Variants in RNF144B observed in about 807,000 individuals in gnomAD.
The protein encoded by RNF144B is E3 ubiquitin-protein ligase RNF144B.
RNF144B carries 25 observed loss-of-function variants against 40.2 expected under a neutral mutation model. That is an observed-to-expected ratio of 0.62 (90% CI 0.45 to 0.87). The LOEUF is 0.87. Among genes scored for constraint, RNF144B ranks in the 40% least tolerant of loss-of-function variants. The pLI is 0.00. For missense variants in RNF144B, 365 were observed against 373.7 expected (o/e 0.98, Z 0.19); for synonymous variants, 145 against 136.3 (o/e 1.06, Z -0.44).
At chr6:18,445,578 C>A (rs1759063670) in intron 4 of RNF144B, among the ~76,000 whole-genome samples, 1 of 152,108 alleles carries the variant, frequency 6.6e-6, no homozygotes. Context: ...CAGTTTAAGT[C>A]TTTGAATTTG....
chr6:18,435,447 A>C (rs1353954619), intron 3 of RNF144B, among the ~76,000 whole-genome samples: 3 of 152,334 alleles, frequency 2.0e-5, no homozygotes, highest in Admixed American at 6.5e-5. Context: ...TTACAGTGGA[A>C]TTTTAATCAC....
rs111969494 is a variant in RNF144B, at chr6:18,407,988, T to C, written c.165+8289T>C. On this transcript the variant is annotated intron_variant, in intron 2 of 7. Transcript: ENST00000259939. Reference sequence around the variant, plus strand: ...TCTTTTTCTTTCTTTCTTTTTCTTTTTTTTTTTTTTTTTCCAGACAGAATC... The same window carrying C: ...TCTTTTTCTTTCTTTCTTTTTCTTTCTTTTTTTTTTTTTCCAGACAGAATC... Among the ~76,000 whole-genome samples, 152 of 148,960 alleles carry C rather than the reference T, an allele frequency of 1.0e-3. 1 individual carries two copies. Among genetic ancestry groups the C allele is most frequent in the African/African-American group, 3.6e-3 (148 of 40,936 alleles).
intron 3 of RNF144B, among the ~76,000 whole-genome samples, chr6:18,429,191 T>C (rs540669623): frequency 1.6e-4 from 25 of 152,032 alleles, no homozygotes; most frequent in African/African-American, 5.5e-4. Context: ...GAGTGAGATT[T>C]CATCTCTTAA....
At chr6:18,397,755 C>T (rs1223004038) in intron 1 of RNF144B, among the ~76,000 whole-genome samples, 2 of 151,960 alleles carry the variant, frequency 1.3e-5, no homozygotes, top group African/African-American at 2.4e-5. Context: ...TTCTCTGCTT[C>T]GTCTGTCCAT....
rs1446609078 is a variant in RNF144B at position 18,466,942 on chromosome 6, T to C, written c.*1875T>C. On this transcript the variant is annotated 3_prime_UTR_variant, in exon 8 of 8. Coordinates refer to ENST00000259939, the MANE Select transcript of RNF144B (RefSeq NM_182757.4). Reference sequence around the variant, plus strand: ...GGCAACCAACCAAAATCATTTTTAATCATTTATTAGAAATTTCTCAATATT... The same window carrying C: ...GGCAACCAACCAAAATCATTTTTAACCATTTATTAGAAATTTCTCAATATT... The C allele has an allele frequency of 4.6e-5, 7 of 152,642 alleles. No homozygotes were observed. The highest frequency in any genetic ancestry group is 4.6e-4 in the Admixed American group (7 of 15,282). The allele number at this position is 152,642 out of a possible 1,614,324, so 9.5% of individuals were successfully genotyped here.
At chr6:18,429,897 C>T (rs1010170162) in intron 3 of RNF144B, among the ~76,000 whole-genome samples, 14 of 152,120 alleles carry the variant, frequency 9.2e-5, no homozygotes, top group African/African-American at 3.4e-4. Flanking sequence ...TAGTGCTCTT[C>T]TTATGGAGCT....
intron 1 of RNF144B, among the ~76,000 whole-genome samples, chr6:18,388,274 G>C (rs1794507913): frequency 6.6e-6 from 1 of 152,110 alleles, no homozygotes; most frequent in African/African-American, 2.4e-5. Flanking sequence ...TCTGCCACAT[G>C]TATCTTATCA....
chr6:18,407,222 ACCT>A (rs1315702941), intron 2 of RNF144B, among the ~76,000 whole-genome samples: 19 of 152,266 alleles, frequency 1.2e-4, no homozygotes, highest in African/African-American at 4.6e-4. Context: ...CACAAAATTA[ACCT>A]TTATGCATAG....
chr6:18,452,659 T>A lies in RNF144B; in HGVS notation c.332-4496T>A, dbSNP rs191871865. Among the ~76,000 whole-genome samples, 23 of 152,242 alleles carry A rather than the reference T, an allele frequency of 1.5e-4. No individual in the cohort carries two copies. In the East Asian group the frequency reaches 3.9e-3, roughly 26 times the overall value. On this transcript the variant is annotated intron_variant, in intron 4 of 7. Coordinates refer to ENST00000259939, the MANE Select transcript of RNF144B (RefSeq NM_182757.4). ...GTACTTGACCTTTTTTAAAAAAAAA[T>A]TTCAAGTTTAGAGATGAAGTAAATC...
In RNF144B at chr6:18,416,174, A is replaced by T. The variant is rs959589590; in HGVS notation, c.166-11407A>T. ...TGAGCATACTGTGTCATAAGATAGC[A>T]CCTGGGCCAGAGGGATCTCTTTGGG... On this transcript the variant is annotated intron_variant, in intron 2 of 7. Transcript: ENST00000259939. The surrounding 1 kb of genome is among the most constrained non-coding windows in gnomAD (Gnocchi z 5.5). 6.6e-6 allele frequency among the ~76,000 whole-genome samples: 1 copy of T among 152,156 alleles called. No individual in the cohort carries two copies. Among genetic ancestry groups the T allele is most frequent in the Non-Finnish European group, 1.5e-5 (1 of 68,034 alleles).
At chr6:18,417,613 A>G (rs1431264193) in intron 2 of RNF144B, among the ~76,000 whole-genome samples, 1 of 152,172 alleles carries the variant, frequency 6.6e-6, no homozygotes, top group African/African-American at 2.4e-5. Context: ...AGCTGAAACT[A>G]TAGAACTCTT....
rs1794894561 is a variant in RNF144B at position 18,405,895 on chromosome 6, G to T, written c.165+6196G>T. Among the ~76,000 whole-genome samples, 1 of 152,148 alleles carries T rather than the reference G, an allele frequency of 6.6e-6. No homozygotes were observed. Among genetic ancestry groups the T allele is most frequent in the African/African-American group, 2.4e-5 (1 of 41,444 alleles). On this transcript the variant is annotated intron_variant, in intron 2 of 7. Transcript: ENST00000259939. The surrounding 1 kb of genome is among the most constrained non-coding windows in gnomAD (Gnocchi z 4.5). ...AGCAGAAGAAAACCATACTATTAAGGCCCTAATGTCTTTGTCATAGCATCA... is the reference window on the plus strand; with the variant it reads ...AGCAGAAGAAAACCATACTATTAAGTCCCTAATGTCTTTGTCATAGCATCA...
In RNF144B at chr6:18,460,598, C is replaced by T. The variant is rs920609962; in HGVS notation, c.681+847C>T. Among the ~76,000 whole-genome samples the T allele has an allele frequency of 6.6e-6, 1 of 152,066 alleles. No individual in the cohort carries two copies. Among genetic ancestry groups the T allele is most frequent in the African/African-American group, 2.4e-5 (1 of 41,396 alleles). ...TGGTGTCTCCTAACTCTCTTCTCTC[C>T]CTCATGCTCTCTTGCATGCTCTCAC... On this transcript the variant is annotated intron_variant, in intron 6 of 7. Coordinates refer to ENST00000259939, the MANE Select transcript of RNF144B (RefSeq NM_182757.4). This position sits in a 1 kb window ranked among gnomAD's most constrained non-coding sequence, Gnocchi z 4.4.
At chr6:18,393,245 G>C (rs1336251696) in intron 1 of RNF144B, among the ~76,000 whole-genome samples, 1 of 152,158 alleles carries the variant, frequency 6.6e-6, no homozygotes, top group Non-Finnish European at 1.5e-5. Context: ...GCATGCATTA[G>C]AACTGTTTTT....
chr6:18,413,362 A>G (rs1017342179), intron 2 of RNF144B, among the ~76,000 whole-genome samples: 4 of 152,246 alleles, frequency 2.6e-5, no homozygotes, highest in African/African-American at 9.6e-5. Context: ...TACAAAACAA[A>G]TGTAAAGAAC....
At position 18,448,141 on chromosome 6, in the gene RNF144B, TTTTTG is replaced by T. The variant is rs914011550; in HGVS notation, c.331+8417_331+8421del. 4.4e-4 allele frequency among the ~76,000 whole-genome samples: 67 copies of T among 152,092 alleles called. No individual in the cohort carries two copies. Among genetic ancestry groups the T allele is most frequent in the African/African-American group, 1.5e-3 (62 of 41,504 alleles). On this transcript the variant is annotated intron_variant, in intron 4 of 7. Coordinates refer to ENST00000259939, the MANE Select transcript of RNF144B (RefSeq NM_182757.4). This position sits in a 1 kb window ranked among gnomAD's most constrained non-coding sequence, Gnocchi z 4.0. ...ATATATTAACTCTTTCAAGGAGTGT[TTTTTG>T]TTTTGTTTTGTTTTGTTTTTTCTTG...
chr6:18,461,869 C>G (rs1759463055), intron 6 of RNF144B, among the ~76,000 whole-genome samples: 1 of 152,004 alleles, frequency 6.6e-6, no homozygotes, highest in South Asian at 2.1e-4. Flanking sequence ...AGACGGACAC[C>G]AAACAGGAAT....
chr6:18,423,525 C>T (rs1020066125), intron 2 of RNF144B, among the ~76,000 whole-genome samples: 3 of 152,138 alleles, frequency 2.0e-5, no homozygotes, highest in Non-Finnish European at 4.4e-5. Flanking sequence ...CCATGTCCAT[C>T]ATAATAGGTG....
rs1165177244 is a variant in RNF144B at position 18,414,348 on chromosome 6, G to T, written c.166-13233G>T. Among the ~76,000 whole-genome samples, 1 of 151,890 alleles carries T rather than the reference G, an allele frequency of 6.6e-6. No individual in the cohort carries two copies. Among genetic ancestry groups the T allele is most frequent in the African/African-American group, 2.4e-5 (1 of 41,318 alleles). On this transcript the variant is annotated intron_variant, in intron 2 of 7. Coordinates refer to ENST00000259939, the MANE Select transcript of RNF144B (RefSeq NM_182757.4). The surrounding 1 kb of genome is among the most constrained non-coding windows in gnomAD (Gnocchi z 4.9). Reference sequence around the variant, plus strand: ...ATGTCCCTTGTTCCTATCATTCCATGTATAGAAATAATATCTTCTTGAGGA... The same window carrying T: ...ATGTCCCTTGTTCCTATCATTCCATTTATAGAAATAATATCTTCTTGAGGA...
Sources: allele counts gnomAD v4.1 joint callset (sites outside exome capture counted in the v4.1 genomes callset), GRCh38; gene constraint gnomAD v4.1.1; non-coding constraint Gnocchi (gnomAD v3.1); transcripts MANE v1.5; gene names NCBI Gene and HGNC (gene_info 2026-07-23, HGNC 2026-07-21).